The following ITIH2 variants were observed in gnomAD, a reference collection of about 807,000 sequenced individuals.
ITIH2 encodes inter-alpha-trypsin inhibitor heavy chain H2.
In ITIH2, 103 loss-of-function variants were observed where a neutral mutation model predicts 104.4. That is an observed-to-expected ratio of 0.99 (90% CI 0.84 to 1.16). ITIH2 has a LOEUF of 1.16. ITIH2 is among the 50% of genes most tolerant of loss of function. ITIH2 has a pLI of 0.00. For missense variants in ITIH2, 1,108 were observed against 1,162.4 expected (o/e 0.95, Z 0.68); for synonymous variants, 436 against 435.4 (o/e 1.00, Z -0.02).
intron 4 of ITIH2, among the ~76,000 whole-genome samples, chr10:7,712,193 A>G (rs903249484): frequency 6.6e-5 from 10 of 152,202 alleles, no homozygotes; most frequent in Non-Finnish European, 1.5e-4. Flanking sequence ...TAAAATTCAT[A>G]GTTCTGAAGG....
intron 15 of ITIH2, 49 bp downstream of exon 15, chr10:7,735,140 C>G: frequency 6.6e-7 from 1 of 1,523,196 alleles, no homozygotes. Flanking sequence ...TCTCTTGCCC[C>G]GGGGGTGGGC....
chr10:7,746,772 A>G, intron 20 of ITIH2, 68 bp downstream of exon 20: 2 of 917,760 alleles, frequency 2.2e-6, no homozygotes, highest in South Asian at 2.8e-5. Flanking sequence ...ACAGCAAAAT[A>G]GAGGAGCAAA....
chr10:7,709,982 T>C (rs531986771), intron 4 of ITIH2, among the ~76,000 whole-genome samples: 2 of 152,210 alleles, frequency 1.3e-5, no homozygotes, highest in African/African-American at 2.4e-5. Context: ...GCCTCCTGAG[T>C]AGCTGGGACT....
Position 7,727,086 on chromosome 10 carries a change from A to G in ITIH2, c.1121A>G (p.Lys374Arg). The G allele has an allele frequency of 6.2e-7, 1 of 1,614,154 alleles. No individual in the cohort carries two copies. The highest frequency in any genetic ancestry group is 8.5e-7 in the Non-Finnish European group (1 of 1,179,982). The change falls in exon 10 of 21, where the codon AAG (lysine) becomes AGG (arginine). Residue 374 changes from lysine to arginine, a missense_variant. Coordinates refer to ENST00000358415, the MANE Select transcript of ITIH2 (RefSeq NM_002216.3). ...SATKTQVADAKRYIEKIQPSG... is the reference protein window; with the variant it reads ...SATKTQVADARRYIEKIQPSG... ...ACAAAAACACAGGTTGCAGATGCCA[A>G]GAGGTATATTGAGAAAATCCAGCCC...
intron 11 of ITIH2, 90 bp downstream of exon 11, chr10:7,727,918 T>C: frequency 7.1e-7 from 1 of 1,407,044 alleles, no homozygotes; most frequent in Non-Finnish European, 9.9e-7. Flanking sequence ...TCTAATGGCA[T>C]TTGCCTGAGT....
Position 7,730,145 on chromosome 10 carries a change from TTC to T in ITIH2, c.1461+14_1461+15del. The stretch of plus-strand genomic sequence containing the variant: ...CTTCCCAGCTTAAGGTAACATTTTC[TTC>T]TGTTCTTTTTTTATTCTTCACTGGA... On this transcript the variant is annotated intron_variant, in intron 12 of 20. Transcript: ENST00000358415. 6.3e-7 allele frequency: 1 copy of T among 1,575,206 alleles called. No individual in the cohort carries two copies. The highest frequency in any genetic ancestry group is 8.6e-7 in the Non-Finnish European group (1 of 1,159,156).
chr10:7,741,223 G>A (rs919450017), intron 16 of ITIH2, among the ~76,000 whole-genome samples: 1 of 141,036 alleles, frequency 7.1e-6, no homozygotes, highest in African/African-American at 2.7e-5. Flanking sequence ...TTTTTGCCTA[G>A]GCTGGAGTGC....
intron 3 of ITIH2, among the ~76,000 whole-genome samples, chr10:7,708,451 C>T (rs1323716016): frequency 6.6e-6 from 1 of 152,182 alleles, no homozygotes; most frequent in Non-Finnish European, 1.5e-5. Context: ...TGCTTACACC[C>T]GTCACTGTTC....
chr10:7,727,617 G>A, intron 10 of ITIH2, 86 bp from the exon 11 acceptor site: 3 of 1,468,082 alleles, frequency 2.0e-6, no homozygotes, highest in Non-Finnish European at 2.8e-6. Flanking sequence ...TAAGTGATCA[G>A]CCGACATATG....
chr10:7,726,218 A>G (rs1834950195), intron 9 of ITIH2, among the ~76,000 whole-genome samples: 1 of 152,202 alleles, frequency 6.6e-6, no homozygotes, highest in South Asian at 2.1e-4. Context: ...AAGAAAGCTG[A>G]GAAATGAAGA....
chr10:7,737,678 T>TATATTCTATATTATATTCTATATA (rs754418959), intron 15 of ITIH2, among the ~76,000 whole-genome samples: 13 of 15,640 alleles, frequency 8.3e-4, no homozygotes, highest in Admixed American at 1.2e-3. Flanking sequence ...TATTCTATAT[T>TATATTCTATATTATATTCTATATA]TTCTATATTA....
At chr10:7,712,313 T>C (rs1214180717) in intron 4 of ITIH2, among the ~76,000 whole-genome samples, 1 of 152,228 alleles carries the variant, frequency 6.6e-6, no homozygotes, top group Non-Finnish European at 1.5e-5. Context: ...GTCTGTTTTT[T>C]ATGACAGCAC....
intron 6 of ITIH2, among the ~76,000 whole-genome samples, chr10:7,719,760 C>CAA (rs71385664): frequency 0.038 from 1,574 of 41,470 alleles, 93 homozygotes; most frequent in African/African-American, 0.043. Context: ...GACCCTGTCT[C>CAA]AAAAAAAAAA....
At chr10:7,725,898 G>C (rs935921905) in intron 9 of ITIH2, among the ~76,000 whole-genome samples, 1 of 152,182 alleles carries the variant, frequency 6.6e-6, no homozygotes, top group Non-Finnish European at 1.5e-5. Flanking sequence ...TTGGGAAGAA[G>C]AGGATAATTG....
At chr10:7,716,948 ATTTT>A (rs755687195) in intron 5 of ITIH2, among the ~76,000 whole-genome samples, 1 of 131,626 alleles carries the variant, frequency 7.6e-6, no homozygotes. Flanking sequence ...CTACAAGCCT[ATTTT>A]TTTTTTTTTT....
rs961902532 is a variant in ITIH2, at chr10:7,705,191, A to T, written c.159+9A>T. 23 of 1,591,786 alleles carry T rather than the reference A, an allele frequency of 1.4e-5. No homozygotes were observed. Among genetic ancestry groups the T allele is most frequent in the Non-Finnish European group, 1.9e-5 (22 of 1,161,954 alleles). On this transcript the variant is annotated intron_variant, in intron 2 of 20. Transcript: ENST00000358415. The stretch of plus-strand genomic sequence containing the variant: ...AGAACCGGAGATATCAGGTATAGTA[A>T]GGTTTACTCCCAAAAGGGGGAAAAA...
intron 2 of ITIH2, among the ~76,000 whole-genome samples, chr10:7,706,644 G>C (rs374967458): frequency 3.3e-5 from 5 of 152,314 alleles, no homozygotes; most frequent in East Asian, 3.9e-4. Context: ...TGAGCACTCT[G>C]CAGGAAGGAA....
At chr10:7,748,908 C>A (rs995857363) in intron 20 of ITIH2, among the ~76,000 whole-genome samples, 5 of 152,148 alleles carry the variant, frequency 3.3e-5, no homozygotes, top group Middle Eastern at 3.4e-3. Context: ...TTGTTCCTGC[C>A]TTCTTTCCAT....
chr10:7,731,246 A>G (rs1835000028), intron 12 of ITIH2, among the ~76,000 whole-genome samples: 1 of 152,160 alleles, frequency 6.6e-6, no homozygotes, highest in Non-Finnish European at 1.5e-5. Flanking sequence ...AAGTTTGTCC[A>G]AGAGTTTTTC....
Sources: allele counts gnomAD v4.1 joint callset (sites outside exome capture counted in the v4.1 genomes callset), GRCh38; gene constraint gnomAD v4.1.1; transcripts MANE v1.5; gene names NCBI Gene and HGNC (gene_info 2026-07-23, HGNC 2026-07-21).